TGM1: variants seen among roughly 807,000 people sequenced by gnomAD.
The protein encoded by TGM1 is transglutaminase 1.
In TGM1, 63 loss-of-function variants were observed where a neutral mutation model predicts 88.7. That is an observed-to-expected ratio of 0.71 (90% CI 0.58 to 0.88). The LOEUF is 0.88. TGM1 is among the 40% of genes least tolerant of loss of function. The probability of loss-of-function intolerance (pLI) is 0.00; values close to 1 mark genes in which losing one functional copy is unlikely to be tolerated. For synonymous variants in TGM1, 415 were observed against 431.1 expected, an observed-to-expected ratio of 0.96 and a Z score of 0.46; for missense variants, 996 against 1,118.0, an observed-to-expected ratio of 0.89 and a Z score of 1.56.
intron 9 of TGM1, 114 bp downstream of exon 9, chr14:24,258,171 G>A (rs1464146433): frequency 2.2e-5 from 17 of 771,080 alleles, no homozygotes; most frequent in South Asian, 8.4e-5. Context: ...TTAAGAAGCC[G>A]CGGGGTTACA....
rs1400289123 is a variant in TGM1, at chr14:24,258,353, C to T, written c.1334G>A (p.Arg445Lys). ...ATCAAAGCCCGAGGGCAGATCCGGC[C>T]TCTTCATCCAGCAGTCGTTCCACAC... The part of the protein sequence containing the change: ...FHVWNDCWMK[R>K]PDLPSGFDGW... Residue 445 changes from arginine (R) to lysine (K), a missense_variant, in exon 9 of 15, where the codon AGG becomes AAG. Coordinates refer to ENST00000206765, the MANE Select transcript of TGM1 (RefSeq NM_000359.3). The T allele has an allele frequency of 1.2e-5, 20 of 1,614,118 alleles. No homozygotes were observed. The highest frequency in any genetic ancestry group is 1.7e-5 in the Non-Finnish European group (20 of 1,180,026).
At chr14:24,251,627 G>C (rs537101875) in intron 14 of TGM1, among the ~76,000 whole-genome samples, 2 of 152,182 alleles carry the variant, frequency 1.3e-5, no homozygotes, top group African/African-American at 4.8e-5. Context: ...GTCGAAACGA[G>C]CATTGTCCAA....
rs753181868 is a variant in TGM1, at chr14:24,260,652, C to T, written c.555G>A (p.Val185=). The part of the protein sequence containing the change: ...VGKGTHVIIP[V]GKGGSGGWKA... ...TCCAGCCTCCACTGCCCCCCTTGCC[C>T]ACTGGGATGATCACGTGCGTGCCCT... Residue 185 remains valine (V), a synonymous_variant, in exon 4 of 15, where the codon GTG becomes GTA. Coordinates refer to ENST00000206765, the MANE Select transcript of TGM1 (RefSeq NM_000359.3). The T allele has an allele frequency of 1.2e-5, 20 of 1,614,062 alleles. No homozygotes were observed. Among genetic ancestry groups the T allele is most frequent in the Non-Finnish European group, 3.4e-6 (4 of 1,180,038 alleles).
chr14:24,251,035 C>A (rs557869173), intron 14 of TGM1, among the ~76,000 whole-genome samples: 1 of 152,306 alleles, frequency 6.6e-6, no homozygotes, highest in Admixed American at 6.5e-5. Flanking sequence ...ACTCCCTTTT[C>A]TACCACTTGT....
At chr14:24,261,955 C>T (rs1049431526) in intron 2 of TGM1, 72 bp from the exon 3 acceptor site, 62 of 1,609,784 alleles carry the variant, frequency 3.9e-5, no homozygotes, top group Non-Finnish European at 4.9e-5. Flanking sequence ...CTTCCTATCC[C>T]CCCCAGAAAT....
intron 14 of TGM1, among the ~76,000 whole-genome samples, chr14:24,250,202 GACAA>G (rs941198517): frequency 2.7e-4 from 40 of 148,574 alleles, no homozygotes; most frequent in Non-Finnish European, 4.7e-4. Flanking sequence ...GAGGTGGGTG[GACAA>G]ACACACACAC....
rs758437844 is a variant in TGM1, at chr14:24,259,172, C to T, written c.1062G>A (p.Ala354=). The change falls in exon 7 of 15, where the codon GCG becomes GCA. Residue 354 remains alanine, a synonymous_variant. Coordinates refer to ENST00000206765, the MANE Select transcript of TGM1 (RefSeq NM_000359.3). The surrounding 1 kb of genome is among the most constrained non-coding windows in gnomAD (Gnocchi z 5.7). ...GCAGGATCTCCACGCTGCCCACCCACGCTGATGGGTTGGTGCCTCGGGAGT... is the reference window on the plus strand; with the variant it reads ...GCAGGATCTCCACGCTGCCCACCCATGCTGATGGGTTGGTGCCTCGGGAGT... ...GDYSRGTNPS[A]WVGSVEILLS... 24 of 1,613,996 alleles carry T rather than the reference C, an allele frequency of 1.5e-5. No homozygotes were observed. The East Asian group carries it at 1.6e-4, about 10-fold the overall frequency.
Position 24,259,393 on chromosome 14 carries a change from C to T in TGM1, c.985-144G>A. On this transcript the variant is annotated intron_variant, in intron 6 of 14. Coordinates refer to ENST00000206765, the MANE Select transcript of TGM1 (RefSeq NM_000359.3). This position sits in a 1 kb window ranked among gnomAD's most constrained non-coding sequence, Gnocchi z 5.7. ...AGGATCCAGACACCAGCCTGAGCTC[C>T]ACCCAGCCCTTCCCTCAGCCATCTG... The T allele has an allele frequency of 1.2e-6, 1 of 844,928 alleles. No homozygotes were observed. The highest frequency in any genetic ancestry group is 1.5e-5 in the South Asian group (1 of 68,682). 52.3% of individuals were successfully genotyped at this position (844,928 alleles called of 1,614,324 possible).
Position 24,260,030 on chromosome 14 carries a change from A to G in TGM1, c.786T>C (p.Asp262=), listed in dbSNP as rs755685678. The change falls in exon 5 of 15, where the codon GAT becomes GAC. Residue 262 remains aspartate (D), a synonymous_variant. Coordinates refer to ENST00000206765, the MANE Select transcript of TGM1 (RefSeq NM_000359.3). ...CATTAAGAACATACTCCTGCCGCCA[A>G]TCCTCATGGTCCACGTACACAATGT... ...PEDIVYVDHE[D]WRQEYVLNES... 1.2e-6 allele frequency: 2 copies of G among 1,614,072 alleles called. No individual in the cohort carries two copies. Among genetic ancestry groups the G allele is most frequent in the African/African-American group, 1.3e-5 (1 of 74,936 alleles).
Position 24,259,802 on chromosome 14 carries a change from C to A in TGM1, c.886G>T (p.Gly296Trp), listed in dbSNP as rs779761866. ...RTWNYGQFDH[G>W]VLDACLYILD... ...ATGTATAAGCAGGCATCCAGCACCC[C>A]GTGGTCAAACTGGAAGGAGGGATGG... is the stretch of plus-strand genomic sequence containing the variant. Residue 296 changes from glycine (G) to tryptophan (W), a missense_variant, in exon 6 of 15, where the codon GGG becomes TGG. By Grantham distance (184) the Gly-to-Trp change is radical (BLOSUM62 -2). Transcript: ENST00000206765. The surrounding 1 kb of genome is among the most constrained non-coding windows in gnomAD (Gnocchi z 5.7). The A allele has an allele frequency of 3.7e-6, 6 of 1,612,994 alleles. No individual in the cohort carries two copies. Among genetic ancestry groups the A allele is most frequent in the Non-Finnish European group, 5.1e-6 (6 of 1,179,900 alleles).
At chr14:24,260,837 G>T in intron 3 of TGM1, 139 bp from the exon 4 acceptor site, 1 of 1,173,194 alleles carries the variant, frequency 8.5e-7, no homozygotes, top group Non-Finnish European at 1.2e-6. Context: ...CTTATTCTCT[G>T]ACAGTCTCCC....
chr14:24,251,763 C>A (rs4982880), intron 14 of TGM1, among the ~76,000 whole-genome samples: 1 of 152,198 alleles, frequency 6.6e-6, no homozygotes, highest in Admixed American at 6.5e-5. Flanking sequence ...GTCAGCCTGT[C>A]CTTCCTTCCA....
At position 24,255,986 on chromosome 14, in the gene TGM1, C is replaced by T. The variant is rs2040747486; in HGVS notation, c.1491+3G>A. 6 of 1,558,060 alleles carry T rather than the reference C, an allele frequency of 3.9e-6. No individual in the cohort carries two copies. The highest frequency in any genetic ancestry group is 5.2e-6 in the Non-Finnish European group (6 of 1,150,044). ...AAGAAGGCACCTGGAGCCCAGCCCT[C>T]ACCTCAGCAAAAATGAAAGGCGTGT... On this transcript the variant is annotated splice_donor_region_variant and intron_variant, in intron 10 of 14. Transcript: ENST00000206765. The surrounding 1 kb of genome is among the most constrained non-coding windows in gnomAD (Gnocchi z 4.0).
chr14:24,260,466 G>T lies in TGM1; in HGVS notation c.741C>A (p.Phe247Leu), dbSNP rs2040798845. The change falls in exon 4 of 15, where the codon TTC (phenylalanine) becomes TTA (leucine). Residue 247 changes from phenylalanine (F) to leucine (L), a missense_variant. Phe to Leu is a conservative substitution (Grantham distance 22). Transcript: ENST00000206765. Reference protein sequence around the residue: ...FDPRNEIYILFNPWCPEDIVY... With the variant: ...FDPRNEIYILLNPWCPEDIVY... ...GCTGCTCACCTGGGCACCAGGGGTT[G>T]AAGAGGATGTAGATCTCATTGCGGG... 1 of 1,614,096 alleles carries T rather than the reference G, an allele frequency of 6.2e-7. No homozygotes were observed. The highest frequency in any genetic ancestry group is 8.5e-7 in the Non-Finnish European group (1 of 1,180,044).
chr14:24,250,079 A>G (rs988889542), intron 14 of TGM1, among the ~76,000 whole-genome samples: 2 of 151,924 alleles, frequency 1.3e-5, no homozygotes, highest in East Asian at 1.9e-4. Flanking sequence ...GTTATCTTTG[A>G]AAAAAAAGGA....
chr14:24,256,810 A>G (rs756471070), intron 9 of TGM1, among the ~76,000 whole-genome samples: 11 of 152,198 alleles, frequency 7.2e-5, no homozygotes, highest in Non-Finnish European at 1.5e-4. Flanking sequence ...AGGATCTCAC[A>G]AGACAGGTGG....
At chr14:24,260,778 C>T in intron 3 of TGM1, 80 bp from the exon 4 acceptor site, 2 of 1,592,586 alleles carry the variant, frequency 1.3e-6, no homozygotes. Flanking sequence ...CCCGGCCCCA[C>T]CCACAATGTG....
At chr14:24,260,741 G>A in intron 3 of TGM1, 43 bp from the exon 4 acceptor site, 6 of 1,613,702 alleles carry the variant, frequency 3.7e-6, no homozygotes, top group Non-Finnish European at 4.2e-6. Flanking sequence ...GCCTCCCTGA[G>A]GAGAGGGGAT....
chr14:24,259,242 G>C lies in TGM1; in HGVS notation c.992C>G (p.Ser331Cys). ...AATCAGGACTCCATTGTCATCCAGGGAGTTCACCTGCCCAGGACAGGATGA... is the reference window on the plus strand; with the variant it reads ...AATCAGGACTCCATTGTCATCCAGGCAGTTCACCTGCCCAGGACAGGATGA... ...VSRVISAMVNSLDDNGVLIGN... is the reference protein window; with the variant it reads ...VSRVISAMVNCLDDNGVLIGN... The change falls in exon 7 of 15, where the codon TCC (serine) becomes TGC (cysteine). Residue 331 changes from serine to cysteine, a missense_variant. Transcript: ENST00000206765. The surrounding 1 kb of genome is among the most constrained non-coding windows in gnomAD (Gnocchi z 5.7). 1.2e-6 allele frequency: 2 copies of C among 1,612,340 alleles called. No individual in the cohort carries two copies. Among genetic ancestry groups the C allele is most frequent in the Admixed American group, 3.3e-5 (2 of 59,772 alleles).
Sources: gnomAD v4.1 joint callset for allele counts (sites outside exome capture counted in the v4.1 genomes callset) on GRCh38, gnomAD v4.1.1 for gene constraint, Gnocchi (gnomAD v3.1) non-coding constraint, MANE v1.5 for transcripts, NCBI Gene and HGNC (gene_info 2026-07-23, HGNC 2026-07-21) for gene names.